Variants in PCDHGA2 observed in about 807,000 individuals in gnomAD.
PCDHGA2 encodes the protein protocadherin gamma-A2.
A neutral mutation model predicts 59.2 loss-of-function variants in PCDHGA2; 40 were observed. That is an observed-to-expected ratio of 0.68 (90% CI 0.52 to 0.88). The LOEUF is 0.88. PCDHGA2 is among the 40% of genes least tolerant of loss of function. The probability of loss-of-function intolerance (pLI) is 0.00; values close to 1 mark genes in which losing one functional copy is unlikely to be tolerated. For synonymous variants in PCDHGA2, 560 were observed against 526.0 expected, an observed-to-expected ratio of 1.06 and a Z score of -0.89; for missense variants, 1,226 against 1,204.0, an observed-to-expected ratio of 1.02 and a Z score of -0.27.
At chr5:141,428,142 C>T in intron 1 of PCDHGA2, 1 of 1,594,260 alleles carries the variant, frequency 6.3e-7, no homozygotes, top group Non-Finnish European at 8.6e-7. Flanking sequence ...CCTGGGGCTG[C>T]ACACGGGAAC....
Position 141,485,831 on chromosome 5 carries a change from C to T in PCDHGA2, c.2425-8976C>T. 1 of 1,614,080 alleles carries T rather than the reference C, an allele frequency of 6.2e-7. No individual in the cohort carries two copies. The highest frequency in any genetic ancestry group is 8.5e-7 in the Non-Finnish European group (1 of 1,180,026). ...GCTGACTGCTGTCGATGGAGGGAAC[C>T]CGCCGAGATCTGGCACCGCAGAGCT... On this transcript the variant is annotated intron_variant, in intron 1 of 3. Coordinates refer to ENST00000394576, the MANE Select transcript of PCDHGA2 (RefSeq NM_018915.4). This position sits in a 1 kb window ranked among gnomAD's most constrained non-coding sequence, Gnocchi z 5.7.
At chr5:141,494,223 C>T (rs1435042163) in intron 1 of PCDHGA2, among the ~76,000 whole-genome samples, 2 of 152,192 alleles carry the variant, frequency 1.3e-5, no homozygotes, top group African/African-American at 4.8e-5. Context: ...TGGCATGACT[C>T]CTAAATTAAT....
At chr5:141,454,426 GAC>G (rs746508144) in intron 1 of PCDHGA2, among the ~76,000 whole-genome samples, 3 of 152,168 alleles carry the variant, frequency 2.0e-5, no homozygotes, top group Non-Finnish European at 2.9e-5. Context: ...TTTATTTAGA[GAC>G]AGAGTTTCAC....
At chr5:141,475,903 G>A in intron 1 of PCDHGA2, 1 of 576,064 alleles carries the variant, frequency 1.7e-6, no homozygotes. Context: ...TGCCGCTGTC[G>A]GCCAATGAAG....
chr5:141,459,090 A>G (rs769066156), intron 1 of PCDHGA2, among the ~76,000 whole-genome samples: 4 of 152,218 alleles, frequency 2.6e-5, no homozygotes, highest in Non-Finnish European at 4.4e-5. Flanking sequence ...TTAAAATTAT[A>G]CAGTGCAATG....
chr5:141,464,853 C>A (rs1441161135), intron 1 of PCDHGA2, among the ~76,000 whole-genome samples: 1 of 151,778 alleles, frequency 6.6e-6, no homozygotes, highest in East Asian at 1.9e-4. Flanking sequence ...ATCCTCCTAC[C>A]TTAGCCTCCC....
rs137901127 is a variant in PCDHGA2 at position 141,436,420 on chromosome 5, A to G, written c.2425-58387A>G. 1.4e-3 allele frequency among the ~76,000 whole-genome samples: 213 copies of G among 152,326 alleles called. 1 individual carries two copies. The highest frequency in any genetic ancestry group is 4.8e-3 in the African/African-American group (199 of 41,594). ...AGTTGTTGAATGAATGGATAAACAA[A>G]TAATGTACTCTGGGGATTACCTGAT... On this transcript the variant is annotated intron_variant, in intron 1 of 3. Coordinates refer to ENST00000394576, the MANE Select transcript of PCDHGA2 (RefSeq NM_018915.4).
In PCDHGA2 at chr5:141,486,397, G is replaced by T; in HGVS notation, c.2425-8410G>T. 6.2e-7 allele frequency: 1 copy of T among 1,614,164 alleles called. No individual in the cohort carries two copies. Among genetic ancestry groups the T allele is most frequent in the East Asian group, 2.2e-5 (1 of 44,872 alleles). On this transcript the variant is annotated intron_variant, in intron 1 of 3. Coordinates refer to ENST00000394576, the MANE Select transcript of PCDHGA2 (RefSeq NM_018915.4). The surrounding 1 kb of genome is among the most constrained non-coding windows in gnomAD (Gnocchi z 5.0). ...CCTTCAGGAACCAGTTCTCCCTGGTGACTGCTGGACCCTTGGATCGAGAGG... is the reference window on the plus strand; with the variant it reads ...CCTTCAGGAACCAGTTCTCCCTGGTTACTGCTGGACCCTTGGATCGAGAGG...
intron 1 of PCDHGA2, chr5:141,408,651 C>T (rs373860648): frequency 6.2e-7 from 1 of 1,614,012 alleles, no homozygotes; most frequent in Non-Finnish European, 8.5e-7. Flanking sequence ...TCCGCTGGTA[C>T]ACGACTATCG....
rs537334679 is a variant in PCDHGA2 at position 141,413,479 on chromosome 5, C to G, written c.2424+72084C>G. ...GATAGACCGGGAGGAGCTCTGCGCTCAGAGCGCGCGGTGCGTGGTGAGTTT... is the reference window on the plus strand; with the variant it reads ...GATAGACCGGGAGGAGCTCTGCGCTGAGAGCGCGCGGTGCGTGGTGAGTTT... On this transcript the variant is annotated intron_variant, in intron 1 of 3. Coordinates refer to ENST00000394576, the MANE Select transcript of PCDHGA2 (RefSeq NM_018915.4). 4.3e-6 allele frequency: 7 copies of G among 1,614,084 alleles called. No individual in the cohort carries two copies. In the African/African-American group the frequency reaches 6.7e-5, roughly 15 times the overall value.
In PCDHGA2 at chr5:141,340,823, T is replaced by C; in HGVS notation, c.1852T>C (p.Ser618Pro). Residue 618 changes from serine (S) to proline (P), a missense_variant, in exon 1 of 4, where the codon TCG becomes CCG. By Grantham distance (74) the Ser-to-Pro change is moderately conservative. Coordinates refer to ENST00000394576, the MANE Select transcript of PCDHGA2 (RefSeq NM_018915.4). ...LLKASEPGLF[S>P]VGLHTGEVRT... ...CAAGGCCAGCGAGCCGGGACTCTTC[T>C]CGGTGGGTCTGCACACGGGCGAGGT... The C allele has an allele frequency of 2.5e-6, 4 of 1,613,808 alleles. No individual in the cohort carries two copies. Among genetic ancestry groups the C allele is most frequent in the Non-Finnish European group, 3.4e-6 (4 of 1,179,996 alleles).
intron 3 of PCDHGA2, among the ~76,000 whole-genome samples, chr5:141,508,738 A>C (rs1596171196): frequency 7.1e-5 from 10 of 141,304 alleles, no homozygotes; most frequent in Admixed American, 1.4e-4. Context: ...TACACCCCCC[A>C]CCCCGCTCTT....
intron 1 of PCDHGA2, chr5:141,375,742 G>A: frequency 6.2e-7 from 1 of 1,614,216 alleles, no homozygotes; most frequent in Non-Finnish European, 8.5e-7. Context: ...TGTTTGTGCT[G>A]GACCAGAATG....
intron 1 of PCDHGA2, chr5:141,356,265 A>T: frequency 1.3e-6 from 2 of 1,564,982 alleles, no homozygotes; most frequent in Non-Finnish European, 8.7e-7. Context: ...TCACCAGCTC[A>T]GTCCAGGAAT....
chr5:141,455,529 G>A (rs2098825323), intron 1 of PCDHGA2, among the ~76,000 whole-genome samples: 1 of 152,146 alleles, frequency 6.6e-6, no homozygotes, highest in Non-Finnish European at 1.5e-5. Flanking sequence ...GGTTTGACCA[G>A]GCATATCATT....
In PCDHGA2 at chr5:141,511,296, A is replaced by C; in HGVS notation, c.*123A>C. 1 of 1,505,968 alleles carries C rather than the reference A, an allele frequency of 6.6e-7. No individual in the cohort carries two copies. The allele number at this position is 1,505,968 out of a possible 1,614,324, so 93.3% of individuals were successfully genotyped here. On this transcript the variant is annotated 3_prime_UTR_variant, in exon 4 of 4. Coordinates refer to ENST00000394576, the MANE Select transcript of PCDHGA2 (RefSeq NM_018915.4). ...CAGAATACTGGTAGGGGCCAAGGCCATGCTCCCCTTGGGAAACAGAAACAA... is the reference window on the plus strand; with the variant it reads ...CAGAATACTGGTAGGGGCCAAGGCCCTGCTCCCCTTGGGAAACAGAAACAA...
intron 1 of PCDHGA2, chr5:141,344,544 A>G (rs964747852): frequency 6.2e-7 from 1 of 1,613,888 alleles, no homozygotes; most frequent in Admixed American, 1.7e-5. Context: ...GCAGAACTAC[A>G]AGCTTAGCCC....
intron 1 of PCDHGA2, chr5:141,410,181 T>C: frequency 6.2e-7 from 1 of 1,613,814 alleles, no homozygotes; most frequent in South Asian, 1.1e-5. Context: ...ACCGCCACGC[T>C]TCATCTGGTC....
At chr5:141,435,314 G>T (rs1490871069) in intron 1 of PCDHGA2, among the ~76,000 whole-genome samples, 6 of 152,006 alleles carry the variant, frequency 3.9e-5, no homozygotes, top group African/African-American at 9.7e-5. Flanking sequence ...AATCATTCAT[G>T]AACTTCCAAA....
Sources: allele counts gnomAD v4.1 joint callset (sites outside exome capture counted in the v4.1 genomes callset), GRCh38; gene constraint gnomAD v4.1.1; non-coding constraint Gnocchi (gnomAD v3.1); transcripts MANE v1.5; gene names NCBI Gene and HGNC (gene_info 2026-07-23, HGNC 2026-07-21).